Variants in GPC5 observed in about 807,000 individuals in gnomAD.
The protein encoded by GPC5 is glypican 5, also known as glypican-5.
Under a neutral mutation model 53.9 loss-of-function variants are expected in GPC5, and 47 were observed. The observed-to-expected ratio is 0.87, with a 90% CI of 0.69 to 1.11. The LOEUF (loss-of-function observed/expected upper bound fraction) is 1.11. GPC5 is among the 50% of genes most tolerant of loss of function. The probability of loss-of-function intolerance (pLI) is 0.00; values close to 1 mark genes in which losing one functional copy is unlikely to be tolerated. For synonymous variants in GPC5, 286 were observed against 263.3 expected, an observed-to-expected ratio of 1.09 and a Z score of -0.84; for missense variants, 748 against 713.1, an observed-to-expected ratio of 1.05 and a Z score of -0.56.
chr13:92,237,127 C>T (rs1306204645), intron 7 of GPC5, among the ~76,000 whole-genome samples: 5 of 152,140 alleles, frequency 3.3e-5, no homozygotes, highest in African/African-American at 1.2e-4. Context: ...TTTGCATGAG[C>T]TCAGATGTCA....
chr13:92,199,727 C>T (rs1162661018), intron 7 of GPC5, among the ~76,000 whole-genome samples: 9 of 152,148 alleles, frequency 5.9e-5, no homozygotes, highest in Non-Finnish European at 1.3e-4. Context: ...ACGCAAGAGA[C>T]TTGCCCCTTT....
At chr13:92,272,954 G>A (rs1053338906) in intron 7 of GPC5, among the ~76,000 whole-genome samples, 3 of 152,128 alleles carry the variant, frequency 2.0e-5, no homozygotes, top group African/African-American at 7.2e-5. Flanking sequence ...ATGAAAATGA[G>A]CGATGAGAGA....
intron 1 of GPC5, among the ~76,000 whole-genome samples, chr13:91,430,955 G>A (rs1055266907): frequency 6.6e-6 from 1 of 152,090 alleles, no homozygotes; most frequent in Non-Finnish European, 1.5e-5. Context: ...GCTTACTGCA[G>A]CCTTGACCTC....
At chr13:92,780,406 TAA>T (rs1875978200) in intron 7 of GPC5, among the ~76,000 whole-genome samples, 1 of 149,616 alleles carries the variant, frequency 6.7e-6, no homozygotes, top group Admixed American at 6.7e-5. Flanking sequence ...TTAATATAAT[TAA>T]GTGTAATTTA....
In GPC5 at chr13:92,470,416, A is replaced by T. The variant is rs568757755; in HGVS notation, c.1561+325427A>T. On this transcript the variant is annotated intron_variant, in intron 7 of 7. Transcript: ENST00000377067. ...TCTGGGATACATGTGCAGAACGTGC[A>T]GTTTTGTTACATAGGTATATATGTG... Among the ~76,000 whole-genome samples the T allele has an allele frequency of 2.0e-5, 3 of 152,144 alleles. No individual in the cohort carries two copies. The East Asian group carries it at 5.8e-4, about 29-fold the overall frequency.
chr13:91,575,301 G>T (rs2032092014), intron 2 of GPC5, among the ~76,000 whole-genome samples: 1 of 152,058 alleles, frequency 6.6e-6, no homozygotes, highest in Admixed American at 6.6e-5. Context: ...AAGTTTTAAA[G>T]AAAATTGCAT....
intron 2 of GPC5, among the ~76,000 whole-genome samples, chr13:91,604,451 C>G (rs1162565533): frequency 1.3e-5 from 2 of 151,460 alleles, no homozygotes; most frequent in Non-Finnish European, 2.9e-5. Context: ...GATTTATAGT[C>G]CTTTGGGTAT....
chr13:91,762,659 T>A (rs1408227309), intron 5 of GPC5, among the ~76,000 whole-genome samples: 1 of 151,864 alleles, frequency 6.6e-6, no homozygotes, highest in Non-Finnish European at 1.5e-5. Context: ...ACCTTCCTAA[T>A]AATTATCATT....
intron 6 of GPC5, among the ~76,000 whole-genome samples, chr13:92,064,764 A>AAACAAAACAAAACAAAACAAAACAAAAC (rs371962452): frequency 5.8e-5 from 8 of 138,366 alleles, no homozygotes; most frequent in South Asian, 2.3e-4. Context: ...CTCAAAAAAA[A>AAACAAAACAAAACAAAACAAAACAAAAC]AAAACAAAAC....
intron 5 of GPC5, among the ~76,000 whole-genome samples, chr13:91,848,533 A>G (rs1049722327): frequency 1.3e-5 from 2 of 152,336 alleles, no homozygotes; most frequent in South Asian, 2.1e-4. Context: ...AGGTGGGCCT[A>G]TAAGAGTTAG....
intron 7 of GPC5, among the ~76,000 whole-genome samples, chr13:92,423,033 A>G (rs1275792298): frequency 6.6e-6 from 1 of 152,242 alleles, no homozygotes; most frequent in Non-Finnish European, 1.5e-5. Context: ...CCCAAGATCA[A>G]GGTGCCAGTA....
At chr13:92,126,863 T>C (rs1756072966) in intron 6 of GPC5, among the ~76,000 whole-genome samples, 1 of 151,938 alleles carries the variant, frequency 6.6e-6, no homozygotes, top group Non-Finnish European at 1.5e-5. Flanking sequence ...CATTTGTGTG[T>C]ATGTGATAAC....
chr13:91,904,144 T>TC (rs1372728789), intron 5 of GPC5, among the ~76,000 whole-genome samples: 428 of 142,808 alleles, frequency 3.0e-3, no homozygotes, highest in Non-Finnish European at 5.6e-3. Flanking sequence ...TTCTTTCTTT[T>TC]TTTTTTTTTT....
chr13:92,433,310 G>T (rs923386784), intron 7 of GPC5, among the ~76,000 whole-genome samples: 1 of 152,146 alleles, frequency 6.6e-6, no homozygotes, highest in Non-Finnish European at 1.5e-5. Context: ...GGATGAGTTT[G>T]GTAGACAAAA....
chr13:91,733,096 G>A (rs1205575569), intron 4 of GPC5, among the ~76,000 whole-genome samples: 1 of 152,072 alleles, frequency 6.6e-6, no homozygotes, highest in Non-Finnish European at 1.5e-5. Context: ...CATTAAATCT[G>A]TAAATTACTT....
chr13:92,859,677 AGTTTT>A (rs1472757275), intron 7 of GPC5, among the ~76,000 whole-genome samples: 1 of 152,136 alleles, frequency 6.6e-6, no homozygotes, highest in Non-Finnish European at 1.5e-5. Context: ...TTTAATACTT[AGTTTT>A]AATTACCAAT....
At chr13:91,679,138 G>A (rs1346493876) in intron 2 of GPC5, among the ~76,000 whole-genome samples, 1 of 151,870 alleles carries the variant, frequency 6.6e-6, no homozygotes, top group African/African-American at 2.4e-5. Context: ...GCAATATCTG[G>A]CAATGAGAAA....
intron 7 of GPC5, among the ~76,000 whole-genome samples, chr13:92,844,625 T>G (rs897323039): frequency 5.3e-5 from 8 of 152,120 alleles, no homozygotes; most frequent in African/African-American, 1.9e-4. Context: ...TACTATGACT[T>G]TGGACATAGG....
Position 92,540,348 on chromosome 13 carries a change from T to G in GPC5, c.1562-325934T>G, listed in dbSNP as rs1881893816. 2.0e-5 allele frequency among the ~76,000 whole-genome samples: 3 copies of G among 152,000 alleles called. No homozygotes were observed. In the South Asian group the frequency reaches 6.2e-4, roughly 31 times the overall value. ...GATGTGCCTTAAGGTGTTAGATGAC[T>G]ATAAATATGAATACGATAATAGTGG... On this transcript the variant is annotated intron_variant, in intron 7 of 7. Transcript: ENST00000377067.
Sources: allele counts gnomAD v4.1 joint callset (sites outside exome capture counted in the v4.1 genomes callset), GRCh38; gene constraint gnomAD v4.1.1; transcripts MANE v1.5; gene names NCBI Gene and HGNC (gene_info 2026-07-23, HGNC 2026-07-21).